The following ESCO1 variants were observed in gnomAD, a reference collection of about 807,000 sequenced individuals.
ESCO1 encodes the protein N-acetyltransferase ESCO1.
In ESCO1, 33 loss-of-function variants were observed where a neutral mutation model predicts 83.5. The ratio of observed to expected loss-of-function variants is 0.40; its 90% CI spans 0.30 to 0.53. The LOEUF (loss-of-function observed/expected upper bound fraction) is 0.53, where lower values mean the gene tolerates loss of function less well. Ranked by LOEUF, ESCO1 falls within the 20% of genes least tolerant of loss-of-function variation. ESCO1 has a pLI of 0.63. For synonymous variants in ESCO1, 332 were observed against 324.3 expected (o/e 1.02, Z -0.25); for missense variants, 855 against 968.0 (o/e 0.88, Z 1.55).
At chr18:21,547,186 C>T (rs903503212) in intron 8 of ESCO1, among the ~76,000 whole-genome samples, 11 of 152,234 alleles carry the variant, frequency 7.2e-5, no homozygotes, top group African/African-American at 2.4e-4. Context: ...ATTTTCCACA[C>T]TATTTAAATG....
intron 1 of ESCO1, among the ~76,000 whole-genome samples, chr18:21,587,963 C>T (rs2038605552): frequency 1.3e-5 from 2 of 151,872 alleles, no homozygotes; most frequent in South Asian, 4.2e-4. Context: ...GTGACACATG[C>T]CGATAGTCCC....
rs201777290 is a variant in ESCO1, at chr18:21,530,496, A to T, written c.2376-6T>A. 634 of 1,208,628 alleles carry T rather than the reference A, an allele frequency of 5.2e-4. No individual in the cohort carries two copies. The highest frequency in any genetic ancestry group is 6.8e-4 in the Non-Finnish European group (618 of 915,546). 74.9% of individuals were successfully genotyped at this position (1,208,628 alleles called of 1,614,324 possible). On this transcript the variant is annotated splice_region_variant and splice_polypyrimidine_tract_variant and intron_variant, in intron 11 of 11. Coordinates refer to ENST00000269214, the MANE Select transcript of ESCO1 (RefSeq NM_052911.3). The stretch of plus-strand genomic sequence containing the variant: ...AGCCATATATAAAGTTACTCCTATT[A>T]AAAAAAAATGGGGGGGGGGAAGGGT...
intron 8 of ESCO1, among the ~76,000 whole-genome samples, chr18:21,560,374 T>C (rs1383199419): frequency 6.6e-6 from 1 of 151,502 alleles, no homozygotes; most frequent in Non-Finnish European, 1.5e-5. Context: ...CTTAATTTTC[T>C]AGAATTTTTC....
intron 9 of ESCO1, among the ~76,000 whole-genome samples, chr18:21,539,636 G>C (rs2146172873): frequency 6.6e-6 from 1 of 152,248 alleles, no homozygotes; most frequent in East Asian, 1.9e-4. Context: ...CAGATCATGA[G>C]GTCAGGAGTT....
chr18:21,580,945 G>A (rs980629229), intron 2 of ESCO1, among the ~76,000 whole-genome samples: 1 of 152,122 alleles, frequency 6.6e-6, no homozygotes, highest in Admixed American at 6.5e-5. Context: ...AGCTGAGATC[G>A]CGCCATTGCA....
At chr18:21,554,456 G>A (rs149526385) in intron 8 of ESCO1, among the ~76,000 whole-genome samples, 1,820 of 152,208 alleles carry the variant, frequency 0.012, 20 homozygotes, top group Non-Finnish European at 0.017. Context: ...AAAAAGAAAC[G>A]GGCTTTCAAA....
intron 8 of ESCO1, among the ~76,000 whole-genome samples, chr18:21,559,305 CT>C (rs1170943607): frequency 3.3e-5 from 5 of 152,104 alleles, no homozygotes; most frequent in Non-Finnish European, 5.9e-5. Flanking sequence ...AGGGGTCTGG[CT>C]GGGGCAGGAA....
At chr18:21,577,647 G>C (rs1231263052) in intron 2 of ESCO1, among the ~76,000 whole-genome samples, 2 of 142,816 alleles carry the variant, frequency 1.4e-5, no homozygotes, top group East Asian at 4.1e-4. Context: ...CCGACAGAGC[G>C]AGACTCCGTC....
chr18:21,592,548 C>CG (rs1384034589), intron 1 of ESCO1, among the ~76,000 whole-genome samples: 2 of 139,370 alleles, frequency 1.4e-5, no homozygotes, highest in African/African-American at 5.5e-5. Context: ...GCTGGCCGGG[C>CG]GGGGGGCTGA....
intron 2 of ESCO1, 25 bp from the exon 3 acceptor site, chr18:21,575,802 A>G: frequency 2.5e-6 from 1 of 397,750 alleles, no homozygotes; most frequent in Non-Finnish European, 4.4e-6. Flanking sequence ...GTTTTTTTTA[A>G]TGTTCAAAAG....
intron 8 of ESCO1, among the ~76,000 whole-genome samples, chr18:21,554,969 G>A (rs1245407505): frequency 1.3e-5 from 2 of 151,854 alleles, no homozygotes; most frequent in Non-Finnish European, 2.9e-5. Flanking sequence ...GGCGACACAC[G>A]CCTGTAGTCC....
intron 1 of ESCO1, among the ~76,000 whole-genome samples, chr18:21,591,272 A>T (rs1220892763): frequency 6.6e-6 from 1 of 152,212 alleles, no homozygotes; most frequent in Non-Finnish European, 1.5e-5. Context: ...GATGGCAGAG[A>T]TTGGAGTAAT....
intron 1 of ESCO1, among the ~76,000 whole-genome samples, chr18:21,590,511 C>T (rs2038650425): frequency 6.6e-6 from 1 of 152,128 alleles, no homozygotes; most frequent in African/African-American, 2.4e-5. Flanking sequence ...TGAGCCACCG[C>T]ACCCAGTCAT....
In ESCO1 at chr18:21,535,911, A is replaced by G. The variant is rs561945279; in HGVS notation, c.2187+131T>C. The G allele has an allele frequency of 1.5e-4, 167 of 1,086,006 alleles. 3 individuals carry two copies. The South Asian group carries it at 2.4e-3, about 16-fold the overall frequency. The allele number at this position is 1,086,006 out of a possible 1,614,324, so 67.3% of individuals were successfully genotyped here. On this transcript the variant is annotated intron_variant, in intron 10 of 11. Coordinates refer to ENST00000269214, the MANE Select transcript of ESCO1 (RefSeq NM_052911.3). ...ATTCCACTATGGTGAAGACTCACAC[A>G]TGGGAATTCTTGCATTAAAACTGAT...
At chr18:21,546,509 G>A (rs748121002) in intron 8 of ESCO1, among the ~76,000 whole-genome samples, 14 of 152,128 alleles carry the variant, frequency 9.2e-5, no homozygotes, top group Non-Finnish European at 1.8e-4. Flanking sequence ...TAACAGTTCC[G>A]ATTATTACAG....
chr18:21,545,833 G>A (rs1304581049), intron 8 of ESCO1, among the ~76,000 whole-genome samples: 3 of 152,154 alleles, frequency 2.0e-5, no homozygotes, highest in African/African-American at 4.8e-5. Flanking sequence ...GGGGGGCTGA[G>A]GCAGGAGGAT....
chr18:21,541,235 A>G (rs2037901834), intron 8 of ESCO1, among the ~76,000 whole-genome samples: 1 of 152,204 alleles, frequency 6.6e-6, no homozygotes, highest in African/African-American at 2.4e-5. Flanking sequence ...GAGCAGAAAC[A>G]ATAGCCACAG....
At chr18:21,531,496 C>G (rs144523972) in intron 11 of ESCO1, among the ~76,000 whole-genome samples, 2 of 151,528 alleles carry the variant, frequency 1.3e-5, no homozygotes, top group African/African-American at 4.8e-5. Context: ...GACTTGTACA[C>G]TGAAAACTAT....
chr18:21,594,267 A>G (rs1416221466), intron 1 of ESCO1, among the ~76,000 whole-genome samples: 1 of 152,236 alleles, frequency 6.6e-6, no homozygotes, highest in East Asian at 1.9e-4. Context: ...GAGCTGTACT[A>G]TTCTCAGCCA....
Sources: gnomAD v4.1 joint callset for allele counts (sites outside exome capture counted in the v4.1 genomes callset) on GRCh38, gnomAD v4.1.1 for gene constraint, MANE v1.5 for transcripts, NCBI Gene and HGNC (gene_info 2026-07-23, HGNC 2026-07-21) for gene names.